Variants in POU3F3 observed in about 807,000 individuals in gnomAD.
POU3F3 encodes POU domain, class 3, transcription factor 3.
POU3F3 carries 1 observed loss-of-function variant against 8.6 expected under a neutral mutation model. The observed-to-expected ratio is 0.12, with a 90% confidence interval of 0.04 to 0.55. The LOEUF is 0.55. Ranked by LOEUF, POU3F3 falls within the 20% of genes least tolerant of loss-of-function variation. The pLI is 0.91. For missense variants in POU3F3, 577 were observed against 690.7 expected (o/e 0.84, Z 1.84); for synonymous variants, 418 against 327.4 (o/e 1.28, Z -2.99).
chr2:104,855,226 C>G lies in POU3F3; in HGVS notation c.-285C>G, dbSNP rs1676525617. ...GCTGCTCCTGCGGCTGCTGCTGCTG[C>G]TGGTGACCAAGGCCGGCCGGCGACC... On this transcript the variant is annotated 5_prime_UTR_variant, in exon 1 of 1. Transcript: ENST00000361360. Among the ~76,000 whole-genome samples the G allele has an allele frequency of 6.6e-6, 1 of 151,252 alleles. No homozygotes were observed. Among genetic ancestry groups the G allele is most frequent in the Non-Finnish European group, 1.5e-5 (1 of 67,812 alleles).
chr2:104,872,351 C>T, the POU3F3 span: 2 of 456,672 alleles, frequency 4.4e-6, no homozygotes, highest in South Asian at 1.5e-5. The surrounding 1 kb of genome is among the most constrained non-coding windows in gnomAD (Gnocchi z 4.6). Context: ...GCACACACTT[C>T]GGGCTCTGAG....
At chr2:104,863,641 G>A in the POU3F3 span, among the ~76,000 whole-genome samples, 8 of 152,108 alleles carry the variant, frequency 5.3e-5, no homozygotes, top group African/African-American at 1.4e-4. Context: ...AAGTAAAGAC[G>A]GATCTGGACC....
At chr2:104,906,190 C>A in the POU3F3 span, among the ~76,000 whole-genome samples, 1 of 152,258 alleles carries the variant, frequency 6.6e-6, no homozygotes, top group Non-Finnish European at 1.5e-5. Flanking sequence ...CATCTTTGAT[C>A]CATTTGAATT....
chr2:104,865,806 C>T, the POU3F3 span: 5 of 152,168 alleles, frequency 3.3e-5, no homozygotes, highest in Non-Finnish European at 7.3e-5. Flanking sequence ...CTGTGTTTCA[C>T]TTACATTTCC....
chr2:104,879,694 T>A, the POU3F3 span, among the ~76,000 whole-genome samples: 30 of 152,112 alleles, frequency 2.0e-4, no homozygotes, highest in African/African-American at 7.2e-4. Flanking sequence ...GTGACCTCCT[T>A]CTGCCCCTGT....
chr2:104,868,767 CAG>C, the POU3F3 span, among the ~76,000 whole-genome samples: 1 of 152,192 alleles, frequency 6.6e-6, no homozygotes, highest in South Asian at 2.1e-4. Context: ...TGGTTACAAA[CAG>C]TGCAAATGAG....
chr2:104,858,958 C>G (rs1052254317), downstream of POU3F3, among the ~76,000 whole-genome samples: 4 of 151,968 alleles, frequency 2.6e-5, no homozygotes, highest in Non-Finnish European at 5.9e-5. Flanking sequence ...CCCCTCCCCC[C>G]AAGTTCAGCT....
chr2:104,925,610 G>A, the POU3F3 span, among the ~76,000 whole-genome samples: 2 of 152,036 alleles, frequency 1.3e-5, no homozygotes, highest in Non-Finnish European at 2.9e-5. Context: ...AAACATCCTC[G>A]AATGCAAAAA....
At chr2:104,924,949 A>G in the POU3F3 span, among the ~76,000 whole-genome samples, 2 of 152,364 alleles carry the variant, frequency 1.3e-5, no homozygotes, top group Non-Finnish European at 2.9e-5. Flanking sequence ...TCAAAAATAA[A>G]GTAGGGAGCA....
chr2:104,883,028 G>A, the POU3F3 span, among the ~76,000 whole-genome samples: 1 of 152,218 alleles, frequency 6.6e-6, no homozygotes, highest in Non-Finnish European at 1.5e-5. Context: ...GGTCCTAGGA[G>A]GAAAGTCATT....
At chr2:104,919,831 C>T in the POU3F3 span, among the ~76,000 whole-genome samples, 1 of 151,866 alleles carries the variant, frequency 6.6e-6, no homozygotes, top group Non-Finnish European at 1.5e-5. Flanking sequence ...TCCTCTTCCC[C>T]CTCCTCCTTT....
chr2:104,869,329 A>G, the POU3F3 span, among the ~76,000 whole-genome samples: 1 of 152,256 alleles, frequency 6.6e-6, no homozygotes. Context: ...AGGAGGGGAT[A>G]GGTTTTGTGA....
At chr2:104,877,660 C>CTT in the POU3F3 span, among the ~76,000 whole-genome samples, 31 of 138,816 alleles carry the variant, frequency 2.2e-4, no homozygotes, top group South Asian at 4.6e-4. Context: ...TTCTTTTTTT[C>CTT]TTTTTTTTTT....
the POU3F3 span, among the ~76,000 whole-genome samples, chr2:104,873,356 C>A: frequency 6.6e-6 from 1 of 152,116 alleles, no homozygotes; most frequent in Non-Finnish European, 1.5e-5. Context: ...TGGCCAGGGC[C>A]TAGGCGCTCG....
In POU3F3 at chr2:104,856,899, C is replaced by G; in HGVS notation, c.1389C>G (p.Arg463=). 3 of 1,613,954 alleles carry G rather than the reference C, an allele frequency of 1.9e-6. No individual in the cohort carries two copies. Among genetic ancestry groups the G allele is most frequent in the Non-Finnish European group, 2.5e-6 (3 of 1,179,974 alleles). Residue 463 remains arginine (R), a synonymous_variant, in exon 1 of 1, where the codon CGC becomes CGG. Coordinates refer to ENST00000361360, the MANE Select transcript of POU3F3 (RefSeq NM_006236.3). ...GCAATCGGCGCCAAAAGGAGAAGCGCATGACGCCGCCCGGGATCCAACAGC... is the reference window on the plus strand; with the variant it reads ...GCAATCGGCGCCAAAAGGAGAAGCGGATGACGCCGCCCGGGATCCAACAGC... ...WFCNRRQKEK[R]MTPPGIQQQT...
chr2:104,914,439 G>A, the POU3F3 span, among the ~76,000 whole-genome samples: 1 of 152,218 alleles, frequency 6.6e-6, no homozygotes, highest in Non-Finnish European at 1.5e-5. Flanking sequence ...TAGACTGTGA[G>A]ACCTAGAGGA....
chr2:104,907,454 A>C, the POU3F3 span, among the ~76,000 whole-genome samples: 1 of 152,278 alleles, frequency 6.6e-6, no homozygotes. Context: ...TTTAATTACA[A>C]AGCAAGCGAC....
chr2:104,861,969 GGAAAT>G (rs1210255641), downstream of POU3F3, among the ~76,000 whole-genome samples: 1 of 152,216 alleles, frequency 6.6e-6, no homozygotes, highest in African/African-American at 2.4e-5. Context: ...GCCTAGGAAA[GGAAAT>G]AGTGCGCAGG....
At chr2:104,882,564 T>G in the POU3F3 span, among the ~76,000 whole-genome samples, 2 of 152,178 alleles carry the variant, frequency 1.3e-5, no homozygotes, top group Non-Finnish European at 2.9e-5. Flanking sequence ...TTTTTAACTG[T>G]GCTTTTCTTC....
Sources: gnomAD v4.1 joint callset for allele counts (sites outside exome capture counted in the v4.1 genomes callset) on GRCh38, gnomAD v4.1.1 for gene constraint, Gnocchi (gnomAD v3.1) non-coding constraint, MANE v1.5 for transcripts, NCBI Gene and HGNC (gene_info 2026-07-23, HGNC 2026-07-21) for gene names.